The following FAM193A variants were observed in gnomAD, a reference collection of about 807,000 sequenced individuals.
FAM193A encodes the protein protein FAM193A.
Under a neutral mutation model 126.5 loss-of-function variants are expected in FAM193A, and 22 were observed. That is an observed-to-expected ratio of 0.17 (90% CI 0.12 to 0.25). The LOEUF is 0.25. Ranked by LOEUF, FAM193A falls within the 10% of genes least tolerant of loss-of-function variation. The pLI is 1.00. For synonymous variants in FAM193A, 761 were observed against 646.8 expected, an observed-to-expected ratio of 1.18 and a Z score of -2.68; for missense variants, 1,675 against 1,672.8, an observed-to-expected ratio of 1.00 and a Z score of -0.02.
chr4:2,700,975 TAGAG>T (rs59346372), intron 19 of FAM193A, among the ~76,000 whole-genome samples: 4 of 151,306 alleles, frequency 2.6e-5, no homozygotes, highest in East Asian at 1.9e-4. Flanking sequence ...AAAATACATA[TAGAG>T]AGAGAGAGGA....
At chr4:2,605,264 G>T in intron 2 of FAM193A, among the ~76,000 whole-genome samples, 1 of 152,094 alleles carries the variant, frequency 6.6e-6, no homozygotes, top group East Asian at 1.9e-4. Flanking sequence ...CCCTCTTGCA[G>T]CAAGTTCACA....
intron 1 of FAM193A, among the ~76,000 whole-genome samples, chr4:2,564,792 G>T (rs1480737744): frequency 6.6e-6 from 1 of 152,110 alleles, no homozygotes; most frequent in Non-Finnish European, 1.5e-5. Flanking sequence ...GGAAACACTT[G>T]TGGTTTTTTT....
chr4:2,593,970 C>G (rs1740709572), intron 1 of FAM193A, among the ~76,000 whole-genome samples: 1 of 151,010 alleles, frequency 6.6e-6, no homozygotes, highest in Non-Finnish European at 1.5e-5. Flanking sequence ...GTCTGGCGTT[C>G]TCTAGGACAC....
chr4:2,645,603 C>T (rs1745058405), intron 6 of FAM193A, among the ~76,000 whole-genome samples: 1 of 151,772 alleles, frequency 6.6e-6, no homozygotes, highest in African/African-American at 2.4e-5. Flanking sequence ...CTCGGCTCAC[C>T]CCAACCTCTG....
At chr4:2,708,222 T>C in intron 19 of FAM193A, 1 of 440,972 alleles carries the variant, frequency 2.3e-6, no homozygotes, top group Non-Finnish European at 4.6e-6. Context: ...GCCTCCCAGG[T>C]TCAAGCGATT....
At chr4:2,662,246 T>C (rs1296386105) in intron 10 of FAM193A, among the ~76,000 whole-genome samples, 1 of 152,210 alleles carries the variant, frequency 6.6e-6, no homozygotes, top group Non-Finnish European at 1.5e-5. Context: ...GTTGCTTAGA[T>C]GTCTTGCTAA....
intron 1 of FAM193A, among the ~76,000 whole-genome samples, chr4:2,565,366 TCTC>T (rs760714251): frequency 8.9e-5 from 13 of 145,412 alleles, no homozygotes; most frequent in Non-Finnish European, 1.8e-4. Context: ...TTCAAGCAAT[TCTC>T]CTGCTTCAGC....
At position 2,713,391 on chromosome 4, in the gene FAM193A, C is replaced by T. The variant is rs1397661046; in HGVS notation, c.4373-2632C>T. 3.9e-5 allele frequency among the ~76,000 whole-genome samples: 6 copies of T among 152,116 alleles called. No individual in the cohort carries two copies. The East Asian group carries it at 5.8e-4, about 15-fold the overall frequency. ...ACTGCACTCCAGCCTGGCAATAGAG[C>T]GAGACTCCTTATCAGAAAACAAAAA... On this transcript the variant is annotated intron_variant, in intron 19 of 20. Coordinates refer to ENST00000637812, the MANE Select transcript of FAM193A (RefSeq NM_001366318.2).
At chr4:2,679,467 C>T (rs1714841616) in intron 13 of FAM193A, among the ~76,000 whole-genome samples, 2 of 149,248 alleles carry the variant, frequency 1.3e-5, no homozygotes, top group South Asian at 2.1e-4. Context: ...GCAACCTCTG[C>T]CTCCCGGGTT....
chr4:2,668,585 T>C (rs894968728), intron 12 of FAM193A, among the ~76,000 whole-genome samples: 2 of 152,226 alleles, frequency 1.3e-5, no homozygotes, highest in Admixed American at 1.3e-4. Context: ...ATACAAACTT[T>C]GCTCCGCAGG....
At chr4:2,580,112 A>G (rs1222252758) in intron 1 of FAM193A, among the ~76,000 whole-genome samples, 1 of 152,200 alleles carries the variant, frequency 6.6e-6, no homozygotes, top group African/African-American at 2.4e-5. Flanking sequence ...ATAAAAAAGA[A>G]TGGGATCCTG....
In FAM193A at chr4:2,625,339, T is replaced by G. The variant is rs1284041615; in HGVS notation, c.579T>G (p.Gly193=). The G allele has an allele frequency of 2.8e-6, 2 of 702,962 alleles. No homozygotes were observed. Among genetic ancestry groups the G allele is most frequent in the Middle Eastern group, 2.3e-4 (1 of 4,368 alleles). The allele number at this position is 702,962 out of a possible 1,614,324, so 43.5% of individuals were successfully genotyped here. ...EAGSGGRLAL[G]AQTLPSDTAC... Reference sequence around the variant, plus strand: ...GCAGTGGTGGGAGGCTCGCTCTGGGTGCACAGACGCTGCCTTCAGACACCG... The same window carrying G: ...GCAGTGGTGGGAGGCTCGCTCTGGGGGCACAGACGCTGCCTTCAGACACCG... The change falls in exon 3 of 21, where the codon GGT becomes GGG. Residue 193 remains glycine, a synonymous_variant. Transcript: ENST00000637812.
chr4:2,560,893 C>G (rs1483633647), intron 1 of FAM193A, among the ~76,000 whole-genome samples: 1 of 152,152 alleles, frequency 6.6e-6, no homozygotes, highest in Non-Finnish European at 1.5e-5. Context: ...AGTGATTCAC[C>G]TCACCTGCCT....
chr4:2,657,220 A>AT lies in FAM193A; in HGVS notation c.1312-574dup, dbSNP rs3216207. 1.4e-4 allele frequency among the ~76,000 whole-genome samples: 21 copies of AT among 151,644 alleles called. 1 individual carries two copies. In the South Asian group the frequency reaches 2.9e-3, roughly 21 times the overall value. On this transcript the variant is annotated intron_variant, in intron 7 of 20. Transcript: ENST00000637812. Reference sequence around the variant, plus strand: ...GTACCCATATCCTTTCTCAATCCTGATTTTTTTTTAATGTTACCTTTTTCC... The same window carrying AT: ...GTACCCATATCCTTTCTCAATCCTGATTTTTTTTTTAATGTTACCTTTTTCC...
chr4:2,580,979 AT>A (rs1739889707), intron 1 of FAM193A, among the ~76,000 whole-genome samples: 1 of 152,034 alleles, frequency 6.6e-6, no homozygotes, highest in Non-Finnish European at 1.5e-5. Flanking sequence ...AATACAAAAA[AT>A]TAGCCGGGTG....
chr4:2,601,135 A>T (rs1473593210), intron 2 of FAM193A, among the ~76,000 whole-genome samples: 1 of 151,870 alleles, frequency 6.6e-6, no homozygotes, highest in Admixed American at 6.6e-5. Flanking sequence ...AAACAAGAAA[A>T]ATTGGCAGAG....
At chr4:2,727,956 T>A (rs113549452) in intron 20 of FAM193A, among the ~76,000 whole-genome samples, 7,259 of 152,004 alleles carry the variant, frequency 0.048, 545 homozygotes, top group African/African-American at 0.16. Flanking sequence ...TTATTTATTT[T>A]TTTTTTGAGA....
chr4:2,561,591 G>A (rs899602153), intron 1 of FAM193A, among the ~76,000 whole-genome samples: 1 of 151,018 alleles, frequency 6.6e-6, no homozygotes, highest in African/African-American at 2.4e-5. Flanking sequence ...CTGTCTCCCA[G>A]GTTCAGGTGA....
At position 2,631,121 on chromosome 4, in the gene FAM193A, C is replaced by T. The variant is rs375526486; in HGVS notation, c.990C>T (p.Gly330=). The change falls in exon 5 of 21, where the codon GGC becomes GGT. Residue 330 remains glycine (G), a synonymous_variant. Coordinates refer to ENST00000637812, the MANE Select transcript of FAM193A (RefSeq NM_001366318.2). ...TCTCCCTCCTGCTTGAGGAGTACGG[C>T]GCCCTCTGCCAGGCCGCACGCTCCA... ...QFISLLLEEY[G]ALCQAARSIS... is the part of the protein sequence containing the mutation. 19 of 1,613,422 alleles carry T rather than the reference C, an allele frequency of 1.2e-5. No homozygotes were observed. The highest frequency in any genetic ancestry group is 1.5e-5 in the Non-Finnish European group (18 of 1,179,832).
Sources: gnomAD v4.1 joint callset for allele counts (sites outside exome capture counted in the v4.1 genomes callset) on GRCh38, gnomAD v4.1.1 for gene constraint, MANE v1.5 for transcripts, NCBI Gene and HGNC (gene_info 2026-07-23, HGNC 2026-07-21) for gene names.